The following ANKDD1A variants were observed in gnomAD, a reference collection of about 807,000 sequenced individuals.
ANKDD1A encodes ankyrin repeat and death domain containing 1A.
ANKDD1A carries 59 observed loss-of-function variants against 63.5 expected under a neutral mutation model. The observed-to-expected ratio is 0.93, with a 90% CI of 0.75 to 1.15. The LOEUF (loss-of-function observed/expected upper bound fraction) is 1.15. Among genes scored for constraint, ANKDD1A ranks in the 50% most tolerant of loss-of-function variants. ANKDD1A has a pLI of 0.00. For synonymous variants in ANKDD1A, 266 were observed against 263.9 expected (o/e 1.01, Z -0.08); for missense variants, 632 against 656.4 (o/e 0.96, Z 0.41).
chr15:64,951,167 G>C, intron 14 of ANKDD1A: 1 of 1,089,326 alleles, frequency 9.2e-7, no homozygotes, highest in Non-Finnish European at 1.1e-6. Flanking sequence ...GAGCCCAGGA[G>C]GCAAATGTTT....
At chr15:64,940,154 A>T (rs562296065) in intron 9 of ANKDD1A, among the ~76,000 whole-genome samples, 81 of 151,910 alleles carry the variant, frequency 5.3e-4, no homozygotes, top group African/African-American at 1.9e-3. Flanking sequence ...TAAAAAAAAA[A>T]AAATGGGCAA....
Position 64,934,186 on chromosome 15 carries a change from G to A in ANKDD1A, c.819G>A (p.Val273=), listed in dbSNP as rs551846281. 5.0e-6 allele frequency: 8 copies of A among 1,612,436 alleles called. No individual in the cohort carries two copies. The South Asian group carries it at 8.8e-5, about 18-fold the overall frequency. The change falls in exon 9 of 15, where the codon GTG becomes GTA. Residue 273 remains valine (V), a synonymous_variant. Transcript: ENST00000319580. ...HYAALSGSED[V]SRVLIHAGGC... ...CAGCCCTCAGTGGCTCGGAGGATGT[G>A]TCTCGGGTCCTCATCCACGCAGGAG... is the stretch of plus-strand genomic sequence containing the variant.
Position 64,953,346 on chromosome 15 carries a change from T to C in ANKDD1A, c.1483+3374T>C, listed in dbSNP as rs111217836. On this transcript the variant is annotated intron_variant, in intron 14 of 14. Transcript: ENST00000319580. ...CTTTCCTTCTTATTCTTCCTCTCCT[T>C]CTTCTTAGTTCTTCTTTCTTCTCCT... Among the ~76,000 whole-genome samples the C allele has an allele frequency of 7.6e-3, 1,148 of 150,468 alleles. 8 individuals carry two copies. The highest frequency in any genetic ancestry group is 0.02 in the South Asian group (96 of 4,764).
chr15:64,921,878 C>T, intron 3 of ANKDD1A, 43 bp from the exon 4 acceptor site: 1 of 1,582,164 alleles, frequency 6.3e-7, no homozygotes, highest in African/African-American at 1.3e-5. Context: ...CACAGCCACG[C>T]CTTCCCACAT....
intron 9 of ANKDD1A, among the ~76,000 whole-genome samples, chr15:64,935,338 C>A (rs2085121818): frequency 6.6e-6 from 1 of 151,888 alleles, no homozygotes; most frequent in Non-Finnish European, 1.5e-5. Context: ...CGAGACCAGC[C>A]TGGGCAACAT....
chr15:64,939,767 A>C (rs765796468), intron 9 of ANKDD1A, among the ~76,000 whole-genome samples: 2 of 152,252 alleles, frequency 1.3e-5, no homozygotes, highest in Non-Finnish European at 2.9e-5. Context: ...CTTTTCAACA[A>C]ATGGGACTGA....
At chr15:64,954,896 CCTT>C (rs1256206298) in intron 14 of ANKDD1A, among the ~76,000 whole-genome samples, 44 of 143,076 alleles carry the variant, frequency 3.1e-4, no homozygotes, top group African/African-American at 9.8e-4. Flanking sequence ...CCTCCTTCTT[CCTT>C]CTTCTCTTGT....
intron 1 of ANKDD1A, among the ~76,000 whole-genome samples, chr15:64,914,878 C>T (rs77885390): frequency 0.01 from 1,588 of 152,286 alleles, 7 homozygotes; most frequent in Middle Eastern, 0.041. Flanking sequence ...CTGAGGTTCC[C>T]TTTAATCTGA....
intron 14 of ANKDD1A, chr15:64,951,549 CTCTTCTTT>C (rs2085277192): frequency 1.3e-3 from 4 of 3,160 alleles, no homozygotes; most frequent in Non-Finnish European, 3.6e-3. Flanking sequence ...CTTCTTTCTT[CTCTTCTTT>C]CTTTTTCTTT....
rs1566918889 is a variant in ANKDD1A, at chr15:64,954,568, G to GTTCTCCTTCTTCCTTATTCTTCCTTC, written c.1484-2520_1484-2495dup. Among the ~76,000 whole-genome samples the GTTCTCCTTCTTCCTTATTCTTCCTTC allele has an allele frequency of 6.9e-5, 8 of 116,266 alleles. No homozygotes were observed. In the East Asian group the frequency reaches 1.9e-3, roughly 27 times the overall value. 76.3% of individuals were successfully genotyped at this position (116,266 alleles called of 152,430 possible). ...TCTTCTTTTCTTCTTCCTTCTCCTT[G>GTTCTCCTTCTTCCTTATTCTTCCTTC]TTCTCCTTCTTCCTTATTCTTCCTT... On this transcript the variant is annotated intron_variant, in intron 14 of 14. Transcript: ENST00000319580.
intron 12 of ANKDD1A, among the ~76,000 whole-genome samples, 174 bp downstream of exon 12, chr15:64,944,921 C>T (rs1342682867): frequency 6.6e-6 from 1 of 152,180 alleles, no homozygotes; most frequent in East Asian, 1.9e-4. Context: ...TGGTGAAGGG[C>T]AAGTGTCCAA....
chr15:64,944,466 G>A (rs958398192), intron 11 of ANKDD1A, among the ~76,000 whole-genome samples, 186 bp from the exon 12 acceptor site: 2 of 152,172 alleles, frequency 1.3e-5, no homozygotes, highest in Admixed American at 6.5e-5. Context: ...TATTGCTATT[G>A]CTTTATTCTA....
At chr15:64,937,967 A>G (rs138166275) in intron 9 of ANKDD1A, among the ~76,000 whole-genome samples, 1 of 152,072 alleles carries the variant, frequency 6.6e-6, no homozygotes, top group East Asian at 1.9e-4. Context: ...CACTCCATTA[A>G]AAAACGATGA....
In ANKDD1A at chr15:64,957,108, A is replaced by G; in HGVS notation, c.1489A>G (p.Ser497Gly). ...AGTCTTGCTCTCTCACCCAGGCTGG[A>G]GTACAATGGCGAGATCTCAGCTCAC... ...AIGRRDLAGW[S>G]TMARSQLTAT... is the part of the protein sequence containing the mutation. The change falls in exon 15 of 15, where the codon AGT becomes GGT. Residue 497 changes from serine to glycine, a missense_variant. Transcript: ENST00000319580. 1 of 448,326 alleles carries G rather than the reference A, an allele frequency of 2.2e-6. No individual in the cohort carries two copies. The highest frequency in any genetic ancestry group is 4.5e-6 in the Non-Finnish European group (1 of 224,666). The allele number at this position is 448,326 out of a possible 1,614,324, so 27.8% of individuals were successfully genotyped here.
intron 8 of ANKDD1A, among the ~76,000 whole-genome samples, chr15:64,932,908 C>T (rs1165868834): frequency 1.3e-5 from 2 of 150,252 alleles, no homozygotes; most frequent in East Asian, 4.0e-4. Context: ...ATGATTGCAC[C>T]ACTGTACTCC....
At chr15:64,934,559 T>G (rs141316592) in intron 9 of ANKDD1A, among the ~76,000 whole-genome samples, 140,385 of 146,630 alleles carry the variant, frequency 0.96, 67,548 homozygotes, top group East Asian at 1. Flanking sequence ...GAGTGCAGTG[T>G]TGCAATCTCG....
rs576026714 is a variant in ANKDD1A at position 64,957,325 on chromosome 15, G to C, written c.*137G>C. 1 of 268,796 alleles carries C rather than the reference G, an allele frequency of 3.7e-6. No homozygotes were observed. The highest frequency in any genetic ancestry group is 1.4e-3 in the Middle Eastern group (1 of 726). 16.7% of individuals were successfully genotyped at this position (268,796 alleles called of 1,614,324 possible). ...TTCCTTTTTCCACCTTAAATAATAAGAGTAGAATACTTTCTGTGTTTTTAT... is the reference window on the plus strand; with the variant it reads ...TTCCTTTTTCCACCTTAAATAATAACAGTAGAATACTTTCTGTGTTTTTAT... On this transcript the variant is annotated 3_prime_UTR_variant, in exon 15 of 15. Transcript: ENST00000319580.
chr15:64,951,764 TTTC>T (rs146921654), intron 14 of ANKDD1A, among the ~76,000 whole-genome samples: 10,191 of 112,826 alleles, frequency 0.09, 677 homozygotes, highest in African/African-American at 0.19. Context: ...CTTCTTTCCT[TTTC>T]TTCTTCTTTC....
intron 5 of ANKDD1A, 120 bp downstream of exon 5, chr15:64,926,290 C>T (rs2085045947): frequency 2.6e-5 from 26 of 1,017,708 alleles, no homozygotes; most frequent in Non-Finnish European, 3.4e-5. Flanking sequence ...GCATATTGCA[C>T]CTGGCCTGGG....
Sources: gnomAD v4.1 joint callset for allele counts (sites outside exome capture counted in the v4.1 genomes callset) on GRCh38, gnomAD v4.1.1 for gene constraint, MANE v1.5 for transcripts, NCBI Gene and HGNC (gene_info 2026-07-23, HGNC 2026-07-21) for gene names.